OPRM1: variants seen among roughly 807,000 people sequenced by gnomAD.
OPRM1 encodes opioid receptor mu 1.
In OPRM1, 27 loss-of-function variants were observed where a neutral mutation model predicts 31.8. That is an observed-to-expected ratio of 0.85 (90% CI 0.63 to 1.17). The LOEUF (loss-of-function observed/expected upper bound fraction) is 1.17. Ranked by LOEUF, OPRM1 falls within the 50% of genes most tolerant of loss-of-function variation. The pLI, the probability that OPRM1 is intolerant of heterozygous loss-of-function variation, is 0.00. For synonymous variants in OPRM1, 196 were observed against 189.9 expected (o/e 1.03, Z -0.26); for missense variants, 536 against 511.1 (o/e 1.05, Z -0.47).
chr6:154,024,837 G>T (rs1469312798), intron 1 of OPRM1, among the ~76,000 whole-genome samples: 2 of 151,666 alleles, frequency 1.3e-5, no homozygotes, highest in Non-Finnish European at 2.9e-5. Context: ...ATTTCCATGT[G>T]TTTGAACAGT....
chr6:154,097,752 TA>T (rs1793652340), intron 3 of OPRM1, among the ~76,000 whole-genome samples: 1 of 152,208 alleles, frequency 6.6e-6, no homozygotes, highest in South Asian at 2.1e-4. Flanking sequence ...GTTGTTTAGT[TA>T]AAAATGTGTT....
chr6:154,025,948 T>C (rs1778671433), intron 1 of OPRM1, among the ~76,000 whole-genome samples: 1 of 152,138 alleles, frequency 6.6e-6, no homozygotes, highest in South Asian at 2.1e-4. Flanking sequence ...ATTTATTCCT[T>C]CTACTTAAGG....
At chr6:154,208,280 G>A (rs977482430) in intron 3 of OPRM1, among the ~76,000 whole-genome samples, 1 of 152,138 alleles carries the variant, frequency 6.6e-6, no homozygotes, top group African/African-American at 2.4e-5. Context: ...ACACACCAAG[G>A]AGACCTTGAC....
At chr6:154,229,512 G>A (rs1408591593) in intron 3 of OPRM1, among the ~76,000 whole-genome samples, 1 of 150,648 alleles carries the variant, frequency 6.6e-6, no homozygotes, top group African/African-American at 2.4e-5. Flanking sequence ...ACCACACCCG[G>A]CTCATTTTTT....
intron 3 of OPRM1, chr6:154,091,704 C>A: frequency 7.8e-7 from 1 of 1,281,624 alleles, no homozygotes; most frequent in Non-Finnish European, 9.8e-7. Context: ...ATCCATGAAA[C>A]TATTCAAAAT....
At chr6:154,223,094 AC>A in intron 3 of OPRM1, 1 of 1,166,446 alleles carries the variant, frequency 8.6e-7, no homozygotes, top group South Asian at 1.2e-5. Context: ...CTTCTAAATC[AC>A]CATATCCCTT....
Position 154,013,062 on chromosome 6 carries a change from G to T in OPRM1, c.-1+2044G>T, listed in dbSNP as rs191359272. 1.4e-3 allele frequency among the ~76,000 whole-genome samples: 220 copies of T among 152,180 alleles called. 1 individual carries two copies. The highest frequency in any genetic ancestry group is 3.1e-4 in the Non-Finnish European group (21 of 67,994). ...GGGGGTACACAAATAGCATATGAAT[G>T]AATTTGTTTCATAATATTTATTGCA... is the stretch of plus-strand genomic sequence containing the variant. On this transcript the variant is annotated intron_variant, in intron 1 of 5. Transcript: ENST00000434900.
In OPRM1 at chr6:154,128,682, G is replaced by A. The variant is rs1797723355; in HGVS notation, c.*9961G>A. Among the ~76,000 whole-genome samples the A allele has an allele frequency of 6.6e-6, 1 of 152,188 alleles. No homozygotes were observed. Among genetic ancestry groups the A allele is most frequent in the Non-Finnish European group, 1.5e-5 (1 of 68,034 alleles). ...AATCATACTGGTTGTTCTCGAACTA[G>A]CTGGTTTCCCAGAGACAGCTGGAGA... On this transcript the variant is annotated 3_prime_UTR_variant, in exon 4 of 4. Coordinates refer to ENST00000330432, the MANE Select transcript of OPRM1 (RefSeq NM_000914.5).
intron 3 of OPRM1, among the ~76,000 whole-genome samples, chr6:154,206,156 C>A (rs1186877938): frequency 6.6e-6 from 1 of 152,116 alleles, no homozygotes; most frequent in African/African-American, 2.4e-5. Context: ...TCAAGAGGGG[C>A]AAGTGATATC....
chr6:154,226,856 T>TC (rs1779293470), intron 3 of OPRM1, among the ~76,000 whole-genome samples: 3 of 151,450 alleles, frequency 2.0e-5, no homozygotes, highest in African/African-American at 7.3e-5. Flanking sequence ...TCTCTCCCCC[T>TC]CCCCCATTCA....
intron 3 of OPRM1, chr6:154,199,542 C>A: frequency 8.8e-7 from 1 of 1,132,888 alleles, no homozygotes; most frequent in African/African-American, 1.6e-5. Flanking sequence ...TGGGCATAGC[C>A]CCACTTGACT....
chr6:154,172,938 TGCCCCTCTGGGGCAAA>T (rs1386675935), intron 3 of OPRM1, among the ~76,000 whole-genome samples: 1 of 152,148 alleles, frequency 6.6e-6, no homozygotes, highest in Non-Finnish European at 1.5e-5. Flanking sequence ...TATCAGTGGG[TGCCCCTCTGGGGCAAA>T]GCTTCCAGAG....
chr6:154,218,846 C>T (rs1413987535), intron 3 of OPRM1, among the ~76,000 whole-genome samples: 2 of 152,162 alleles, frequency 1.3e-5, no homozygotes, highest in Admixed American at 6.5e-5. Context: ...GGGGTCCAGA[C>T]ACCTTAAGTT....
exon 1 of OPRM1, chr6:154,010,783 A>G (rs1009180392): frequency 5.0e-6 from 7 of 1,410,386 alleles, no homozygotes; most frequent in Non-Finnish European, 6.5e-6. Flanking sequence ...GGTCAAGTGG[A>G]TGTGGCAGAA....
At chr6:154,080,925 A>C (rs1788956760) in intron 1 of OPRM1, among the ~76,000 whole-genome samples, 1 of 152,142 alleles carries the variant, frequency 6.6e-6, no homozygotes, top group Admixed American at 6.5e-5. Flanking sequence ...TCCTTCCAAA[A>C]AATAAGTCTT....
At chr6:154,187,276 C>T (rs972442139) in intron 3 of OPRM1, among the ~76,000 whole-genome samples, 4 of 152,178 alleles carry the variant, frequency 2.6e-5, no homozygotes, top group African/African-American at 9.7e-5. Context: ...TCTCTAACCC[C>T]CTTGCCCTGC....
At chr6:154,097,181 T>C (rs1793538313) in intron 3 of OPRM1, among the ~76,000 whole-genome samples, 2 of 152,248 alleles carry the variant, frequency 1.3e-5, no homozygotes, top group Non-Finnish European at 2.9e-5. Context: ...CGTCGTGGCA[T>C]GTCCTGCTAA....
intron 3 of OPRM1, among the ~76,000 whole-genome samples, chr6:154,225,856 C>T (rs570036167): frequency 6.6e-6 from 1 of 152,152 alleles, no homozygotes; most frequent in Non-Finnish European, 1.5e-5. Flanking sequence ...CTTCCTCCTC[C>T]CATTCATTTC....
intron 3 of OPRM1, chr6:154,159,479 C>A: frequency 4.0e-6 from 1 of 248,518 alleles, no homozygotes; most frequent in South Asian, 6.3e-5. Flanking sequence ...GCAATTACTC[C>A]TGGTAAAATT....
Sources: gnomAD v4.1 joint callset for allele counts (sites outside exome capture counted in the v4.1 genomes callset) on GRCh38, gnomAD v4.1.1 for gene constraint, MANE v1.5 for transcripts, NCBI Gene and HGNC (gene_info 2026-07-23, HGNC 2026-07-21) for gene names.